The following F2R variants were observed in gnomAD, a reference collection of about 807,000 sequenced individuals.
The protein encoded by F2R is proteinase-activated receptor 1.
Under a neutral mutation model 18.3 loss-of-function variants are expected in F2R, and 12 were observed. The observed-to-expected ratio is 0.66, with a 90% confidence interval of 0.42 to 1.06. The LOEUF (loss-of-function observed/expected upper bound fraction) is 1.06, where lower values mean the gene tolerates loss of function less well. F2R is among the 50% of genes least tolerant of loss of function. The pLI is 0.00. For synonymous variants in F2R, 210 were observed against 219.9 expected, an observed-to-expected ratio of 0.95 and a Z score of 0.40; for missense variants, 438 against 530.8, an observed-to-expected ratio of 0.83 and a Z score of 1.72.
chr5:76,722,172 A>T (rs1159580466), intron 1 of F2R, among the ~76,000 whole-genome samples: 1 of 152,192 alleles, frequency 6.6e-6, no homozygotes, highest in Non-Finnish European at 1.5e-5. Context: ...TACAACTCAC[A>T]GTATTTTGTA....
chr5:76,726,490 T>G (rs1748556051), intron 1 of F2R, among the ~76,000 whole-genome samples: 1 of 149,558 alleles, frequency 6.7e-6, no homozygotes, highest in African/African-American at 2.5e-5. Context: ...GAGATAGAGA[T>G]AGCGCCACTG....
intron 1 of F2R, among the ~76,000 whole-genome samples, chr5:76,726,612 G>T (rs1173276022): frequency 2.6e-5 from 4 of 151,978 alleles, no homozygotes; most frequent in African/African-American, 7.3e-5. Flanking sequence ...GAGGCAGGAG[G>T]ATTGCTTGAA....
intron 1 of F2R, among the ~76,000 whole-genome samples, chr5:76,724,627 C>T (rs1039473067): frequency 5.3e-5 from 8 of 152,088 alleles, no homozygotes; most frequent in Admixed American, 2.6e-4. Flanking sequence ...TGGCTGACTG[C>T]GTCTTCAACT....
At chr5:76,723,062 T>G (rs758723482) in intron 1 of F2R, among the ~76,000 whole-genome samples, 32 of 152,230 alleles carry the variant, frequency 2.1e-4, no homozygotes, top group Non-Finnish European at 4.3e-4. Context: ...TAAAGATGTA[T>G]TTTTCTGTTT....
intron 1 of F2R, among the ~76,000 whole-genome samples, chr5:76,727,299 G>C (rs559955790): frequency 6.6e-6 from 1 of 152,218 alleles, no homozygotes; most frequent in African/African-American, 2.4e-5. Context: ...ACAGGAATTA[G>C]AATTCCATTT....
rs1247053628 is a variant in F2R, at chr5:76,716,342, G to C, written c.35G>C (p.Cys12Ser). 2.8e-6 allele frequency: 4 copies of C among 1,448,726 alleles called. No homozygotes were observed. Among genetic ancestry groups the C allele is most frequent in the East Asian group, 5.8e-5 (2 of 34,612 alleles). 89.7% of individuals were successfully genotyped at this position (1,448,726 alleles called of 1,614,324 possible). A position where few individuals can be genotyped will look rare whatever the true frequency, so the allele number is the denominator to read the frequency against. ...CGGCGGCTGCTGCTGGTGGCCGCCT[G>C]CTTCAGTCTGTGCGGCCCGCTGTTG... ...GPRRLLLVAA[C>S]FSLCGPLLSA... is the part of the protein sequence containing the mutation. The change falls in exon 1 of 2, where the codon TGC (cysteine) becomes TCC (serine). Residue 12 changes from cysteine (C) to serine (S), a missense_variant. Coordinates refer to ENST00000319211, the MANE Select transcript of F2R (RefSeq NM_001992.5).
At position 76,732,553 on chromosome 5, in the gene F2R, A is replaced by G; in HGVS notation, c.328A>G (p.Thr110Ala). 6.2e-7 allele frequency: 1 copy of G among 1,614,172 alleles called. No homozygotes were observed. The highest frequency in any genetic ancestry group is 8.5e-7 in the Non-Finnish European group (1 of 1,180,034). ...GACACTCTTTGTCCCATCTGTGTAC[A>G]CCGGAGTGTTTGTAGTCAGCCTCCC... Reference protein sequence around the residue: ...WLTLFVPSVYTGVFVVSLPLN... With the variant: ...WLTLFVPSVYAGVFVVSLPLN... Residue 110 changes from threonine to alanine, a missense_variant, in exon 2 of 2, where the codon ACC becomes GCC. Coordinates refer to ENST00000319211, the MANE Select transcript of F2R (RefSeq NM_001992.5).
Position 76,716,266 on chromosome 5 carries a change from C to T in F2R, c.-42C>T, listed in dbSNP as rs1464652677. On this transcript the variant is annotated 5_prime_UTR_variant, in exon 1 of 2. Transcript: ENST00000319211. ...GAGGGTGAAGCGGAGCAGCCCGAGGCGGGGCAGCCTCCCGGAGCAGCGCCG... is the reference window on the plus strand; with the variant it reads ...GAGGGTGAAGCGGAGCAGCCCGAGGTGGGGCAGCCTCCCGGAGCAGCGCCG... 1.1e-5 allele frequency: 15 copies of T among 1,326,252 alleles called. No individual in the cohort carries two copies. Among genetic ancestry groups the T allele is most frequent in the Non-Finnish European group, 1.9e-6 (2 of 1,039,598 alleles). The allele number at this position is 1,326,252 out of a possible 1,614,324, so 82.2% of individuals were successfully genotyped here. A position where few individuals can be genotyped will look rare whatever the true frequency, so the allele number is the denominator to read the frequency against.
intron 1 of F2R, among the ~76,000 whole-genome samples, chr5:76,718,797 A>G (rs1321104275): frequency 6.6e-6 from 1 of 152,204 alleles, no homozygotes; most frequent in Non-Finnish European, 1.5e-5. Context: ...TGATGTTTAT[A>G]AATTTTATGG....
intron 1 of F2R, among the ~76,000 whole-genome samples, chr5:76,718,748 A>G (rs1448435768): frequency 2.6e-5 from 4 of 152,270 alleles, no homozygotes; most frequent in African/African-American, 7.2e-5. Flanking sequence ...GTGAGATGAT[A>G]TGTGATCATT....
chr5:76,718,344 C>A (rs1421927209), intron 1 of F2R, among the ~76,000 whole-genome samples: 1 of 152,196 alleles, frequency 6.6e-6, no homozygotes, highest in African/African-American at 2.4e-5. Flanking sequence ...CTATTACCAC[C>A]ATGCATTGAC....
chr5:76,734,267 C>T lies in F2R; in HGVS notation c.*764C>T, dbSNP rs1020333450. On this transcript the variant is annotated 3_prime_UTR_variant, in exon 2 of 2. Transcript: ENST00000319211. ...AGGCTGGCTTTCAGAGTAGGCTATT[C>T]CTGAGAGCTGCATGTGTCCGCCCCC... 4.6e-5 allele frequency: 7 copies of T among 152,306 alleles called. No individual in the cohort carries two copies. The highest frequency in any genetic ancestry group is 2.6e-4 in the Admixed American group (4 of 15,274). 9.4% of individuals were successfully genotyped at this position (152,306 alleles called of 1,614,324 possible). A position where few individuals can be genotyped will look rare whatever the true frequency, so the allele number is the denominator to read the frequency against.
rs1748511130 is a variant in F2R at position 76,723,860 on chromosome 5, C to A, written c.88+7465C>A. On this transcript the variant is annotated intron_variant, in intron 1 of 1. Coordinates refer to ENST00000319211, the MANE Select transcript of F2R (RefSeq NM_001992.5). Reference sequence around the variant, plus strand: ...CCCCATACCCATCATCCAGCTTCAACATTATTTACATGTCACCAATCTTGT... The same window carrying A: ...CCCCATACCCATCATCCAGCTTCAAAATTATTTACATGTCACCAATCTTGT... Among the ~76,000 whole-genome samples, 2 of 152,184 alleles carry A rather than the reference C, an allele frequency of 1.3e-5. 1 individual carries two copies. The highest frequency in any genetic ancestry group is 4.1e-4 in the South Asian group (2 of 4,830).
At chr5:76,731,103 G>C (rs961914970) in intron 1 of F2R, among the ~76,000 whole-genome samples, 15 of 152,184 alleles carry the variant, frequency 9.9e-5, no homozygotes, top group African/African-American at 2.9e-4. Flanking sequence ...ACCTGCTCAG[G>C]AAAGAAGTAG....
At chr5:76,720,973 A>G (rs1268770666) in intron 1 of F2R, among the ~76,000 whole-genome samples, 1 of 152,052 alleles carries the variant, frequency 6.6e-6, no homozygotes, top group Non-Finnish European at 1.5e-5. Context: ...CGCCTGGCTA[A>G]TTTTTGTATT....
intron 1 of F2R, among the ~76,000 whole-genome samples, chr5:76,717,605 C>T (rs1350851480): frequency 6.6e-6 from 1 of 152,188 alleles, no homozygotes; most frequent in Non-Finnish European, 1.5e-5. Flanking sequence ...TTAGCAGTAA[C>T]TAGCCTGCCT....
At position 76,726,778 on chromosome 5, in the gene F2R, C is replaced by CA. The variant is rs113096924; in HGVS notation, c.89-5528dup. 4.9e-3 allele frequency among the ~76,000 whole-genome samples: 742 copies of CA among 151,740 alleles called. 8 individuals carry two copies. The highest frequency in any genetic ancestry group is 0.017 in the African/African-American group (695 of 41,372). ...GATATTAAAGTGCCAGAACCACAAA[C>CA]AAAAAAAATTAAAAATAAAAAAAAA... On this transcript the variant is annotated intron_variant, in intron 1 of 1. Transcript: ENST00000319211.
chr5:76,731,008 C>T (rs1010935112), intron 1 of F2R, among the ~76,000 whole-genome samples: 2 of 152,208 alleles, frequency 1.3e-5, no homozygotes, highest in African/African-American at 2.4e-5. Context: ...CCAGGAACCT[C>T]CATGTGTTCA....
chr5:76,720,125 GCC>G (rs1748419540), intron 1 of F2R, among the ~76,000 whole-genome samples: 1 of 152,050 alleles, frequency 6.6e-6, no homozygotes, highest in Non-Finnish European at 1.5e-5. Flanking sequence ...TAGTGGCTTT[GCC>G]TTTATTTTTA....
Sources: allele counts gnomAD v4.1 joint callset (sites outside exome capture counted in the v4.1 genomes callset), GRCh38; gene constraint gnomAD v4.1.1; transcripts MANE v1.5; gene names NCBI Gene and HGNC (gene_info 2026-07-23, HGNC 2026-07-21).